Variants in AP4S1 observed in about 807,000 individuals in gnomAD.
AP4S1 encodes AP-4 complex subunit sigma-1.
Under a neutral mutation model 19.8 loss-of-function variants are expected in AP4S1, and 23 were observed. That is an observed-to-expected ratio of 1.16 (90% CI 0.84 to 1.65). AP4S1 has a LOEUF of 1.65. Among genes scored for constraint, AP4S1 ranks in the 40% most tolerant of loss-of-function variants. The probability of loss-of-function intolerance (pLI) is 0.00; values close to 1 mark genes in which losing one functional copy is unlikely to be tolerated. For missense variants in AP4S1, 166 were observed against 172.8 expected (o/e 0.96, Z 0.22); for synonymous variants, 46 against 54.1 (o/e 0.85, Z 0.66).
intron 1 of AP4S1, among the ~76,000 whole-genome samples, chr14:31,032,523 A>ATTTT (rs775316642): frequency 0.068 from 9,507 of 138,844 alleles, 559 homozygotes; most frequent in East Asian, 0.17. Flanking sequence ...CAGAATGTAC[A>ATTTT]TTTTTTTTTT....
chr14:31,084,756 G>A (rs1219849070), intron 5 of AP4S1: 1 of 1,614,048 alleles, frequency 6.2e-7, no homozygotes, highest in East Asian at 2.2e-5. Flanking sequence ...ATGAATTAAG[G>A]TGTTTTTTTT....
chr14:31,080,164 T>G (rs1008208030), intron 4 of AP4S1, among the ~76,000 whole-genome samples: 4 of 152,226 alleles, frequency 2.6e-5, no homozygotes, highest in Admixed American at 1.3e-4. Flanking sequence ...ACCATTACCC[T>G]GAATATCCTG....
intron 1 of AP4S1, among the ~76,000 whole-genome samples, chr14:31,063,366 G>C (rs1163076510): frequency 6.6e-6 from 1 of 152,080 alleles, no homozygotes; most frequent in South Asian, 2.1e-4. Context: ...GGAGGCAGAG[G>C]TTGCAGTGAA....
In AP4S1 at chr14:31,077,983, C is replaced by A. The variant is rs144104012; in HGVS notation, c.295-2590C>A. Among the ~76,000 whole-genome samples, 292 of 152,314 alleles carry A rather than the reference C, an allele frequency of 1.9e-3. 2 individuals are homozygous for A. Among genetic ancestry groups the A allele is most frequent in the African/African-American group, 6.7e-3 (278 of 41,568 alleles). ...TTTCCTGACCTCTTGATCCACCTGCCTTGGCCTCCTAAAGTGCTGGGATTA... is the reference window on the plus strand; with the variant it reads ...TTTCCTGACCTCTTGATCCACCTGCATTGGCCTCCTAAAGTGCTGGGATTA... On this transcript the variant is annotated intron_variant, in intron 4 of 5. Coordinates refer to ENST00000542754, the MANE Select transcript of AP4S1 (RefSeq NM_001128126.3).
At chr14:31,036,353 G>A (rs1289881716) in intron 1 of AP4S1, among the ~76,000 whole-genome samples, 1 of 151,972 alleles carries the variant, frequency 6.6e-6, no homozygotes, top group Non-Finnish European at 1.5e-5. Context: ...AAAGTGCTGG[G>A]ATTACAGGTG....
intron 1 of AP4S1, among the ~76,000 whole-genome samples, chr14:31,034,409 G>C (rs1884594111): frequency 6.6e-6 from 1 of 151,850 alleles, no homozygotes; most frequent in South Asian, 2.1e-4. Flanking sequence ...AGTTTTTATA[G>C]TTTCGTAACA....
intron 4 of AP4S1, among the ~76,000 whole-genome samples, chr14:31,075,071 A>G (rs908905379): frequency 3.3e-5 from 5 of 152,160 alleles, no homozygotes; most frequent in Admixed American, 1.3e-4. Context: ...GAAATATACA[A>G]TAGATTATTA....
chr14:31,061,445 C>A (rs755172724), intron 1 of AP4S1, among the ~76,000 whole-genome samples: 85 of 152,202 alleles, frequency 5.6e-4, no homozygotes, highest in African/African-American at 1.9e-3. Context: ...TTCTGACAGC[C>A]GAGCATTTAG....
At chr14:31,091,366 T>C (rs1390305981) in intron 5 of AP4S1, among the ~76,000 whole-genome samples, 1 of 152,156 alleles carries the variant, frequency 6.6e-6, no homozygotes, top group Non-Finnish European at 1.5e-5. Flanking sequence ...TATATATACC[T>C]GGCTGCCATT....
intron 5 of AP4S1, among the ~76,000 whole-genome samples, chr14:31,087,580 C>G (rs900243276): frequency 1.3e-5 from 2 of 152,134 alleles, no homozygotes; most frequent in Admixed American, 1.3e-4. Context: ...GTCTTGATCC[C>G]CTGACCTCAA....
chr14:31,037,412 C>T (rs927583688), intron 1 of AP4S1, among the ~76,000 whole-genome samples: 11 of 145,664 alleles, frequency 7.6e-5, no homozygotes, highest in African/African-American at 1.8e-4. Flanking sequence ...GAATCTGCTG[C>T]TGCCATCACC....
chr14:31,025,585 T>G (rs1883794521), upstream of AP4S1: 1 of 417,830 alleles, frequency 2.4e-6, no homozygotes, highest in Non-Finnish European at 4.4e-6. Context: ...CACAGAGAGG[T>G]GCTCGGTCCC....
intron 1 of AP4S1, among the ~76,000 whole-genome samples, chr14:31,047,541 G>A (rs556308999): frequency 6.6e-6 from 1 of 151,818 alleles, no homozygotes; most frequent in East Asian, 1.9e-4. Flanking sequence ...ACAGGCGCCC[G>A]CCACAATGCC....
At chr14:31,060,704 T>C (rs1180198126) in intron 1 of AP4S1, among the ~76,000 whole-genome samples, 2 of 152,180 alleles carry the variant, frequency 1.3e-5, no homozygotes, top group African/African-American at 2.4e-5. Context: ...CCACCCTCTA[T>C]TGTGGTGTTC....
At chr14:31,026,351 C>G in intron 1 of AP4S1, 1 of 572,716 alleles carries the variant, frequency 1.7e-6, no homozygotes. Context: ...GAGCTGCCGG[C>G]TGCCGCCATT....
intron 1 of AP4S1, among the ~76,000 whole-genome samples, chr14:31,053,900 T>G (rs769311790): frequency 6.6e-5 from 10 of 152,156 alleles, no homozygotes; most frequent in Non-Finnish European, 1.2e-4. Context: ...ATTTACATGA[T>G]GTACAGAGGA....
intron 1 of AP4S1, among the ~76,000 whole-genome samples, chr14:31,053,659 C>T (rs566436172): frequency 1.8e-5 from 2 of 109,108 alleles, no homozygotes; most frequent in East Asian, 3.3e-4. Context: ...TGGTCTTAAA[C>T]TTCTGGCCTC....
At chr14:31,045,988 C>T (rs1225053026) in intron 1 of AP4S1, among the ~76,000 whole-genome samples, 4 of 140,246 alleles carry the variant, frequency 2.9e-5, no homozygotes, top group East Asian at 2.1e-4. Context: ...TTTTTTGAGA[C>T]GGAGTTTCAC....
chr14:31,083,463 A>G, intron 5 of AP4S1: 1 of 444,932 alleles, frequency 2.2e-6, no homozygotes, highest in Non-Finnish European at 4.4e-6. Context: ...GGCAGCAGAG[A>G]AGGGCATGTG....
Sources: allele counts gnomAD v4.1 joint callset (sites outside exome capture counted in the v4.1 genomes callset), GRCh38; gene constraint gnomAD v4.1.1; transcripts MANE v1.5; gene names NCBI Gene and HGNC (gene_info 2026-07-23, HGNC 2026-07-21).